Variants in CPNE5 observed in about 807,000 individuals in gnomAD.
CPNE5 encodes the protein copine 5.
CPNE5 carries 42 observed loss-of-function variants against 81.1 expected under a neutral mutation model. The ratio of observed to expected loss-of-function variants is 0.52; its 90% CI spans 0.40 to 0.67. The LOEUF is 0.67. Ranked by LOEUF, CPNE5 falls within the 30% of genes least tolerant of loss-of-function variation. The pLI is 0.00. For synonymous variants in CPNE5, 313 were observed against 321.5 expected, an observed-to-expected ratio of 0.97 and a Z score of 0.28; for missense variants, 612 against 815.5, an observed-to-expected ratio of 0.75 and a Z score of 3.04.
At position 36,746,299 on chromosome 6, in the gene CPNE5, C is replaced by T; in HGVS notation, c.1200+97G>A. On this transcript the variant is annotated intron_variant, in intron 16 of 20. Coordinates refer to ENST00000244751, the MANE Select transcript of CPNE5 (RefSeq NM_020939.2). The surrounding 1 kb of genome is among the most constrained non-coding windows in gnomAD (Gnocchi z 4.5). ...CCTCCACTGAGGCTGAGCCTTAAGT[C>T]CCCGGGCTCAGAGGAAGGGAAACGT... 1 of 1,476,232 alleles carries T rather than the reference C, an allele frequency of 6.8e-7. No individual in the cohort carries two copies. Among genetic ancestry groups the T allele is most frequent in the East Asian group, 2.4e-5 (1 of 41,606 alleles). The allele number at this position is 1,476,232 out of a possible 1,614,324, so 91.4% of individuals were successfully genotyped here. A position where few individuals can be genotyped will look rare whatever the true frequency, so the allele number is the denominator to read the frequency against.
intron 10 of CPNE5, 77 bp downstream of exon 10, chr6:36,774,884 A>G (rs1767364306): frequency 8.9e-7 from 1 of 1,126,082 alleles, no homozygotes; most frequent in Non-Finnish European, 1.3e-6. Context: ...CGTCAATATG[A>G]ATGGGGCCAC....
intron 3 of CPNE5, among the ~76,000 whole-genome samples, chr6:36,802,646 T>C (rs1561801849): frequency 6.6e-6 from 1 of 152,196 alleles, no homozygotes; most frequent in African/African-American, 2.4e-5. Context: ...GATGGGGCTC[T>C]GCAGTCCAGG....
chr6:36,766,600 G>A lies in CPNE5; in HGVS notation c.738-1224C>T, dbSNP rs1026549440. 3.3e-5 allele frequency among the ~76,000 whole-genome samples: 5 copies of A among 152,306 alleles called. No individual in the cohort carries two copies. Among genetic ancestry groups the A allele is most frequent in the African/African-American group, 9.6e-5 (4 of 41,550 alleles). On this transcript the variant is annotated intron_variant, in intron 10 of 20. Transcript: ENST00000244751. The surrounding 1 kb of genome is among the most constrained non-coding windows in gnomAD (Gnocchi z 4.2). ...AAAAAAAATCACCTAAGCCCCTGAA[G>A]GTGGGTTGATGAGCTGGAAAGAGTG...
At chr6:36,809,760 A>G (rs1770931918) in intron 3 of CPNE5, among the ~76,000 whole-genome samples, 1 of 151,934 alleles carries the variant, frequency 6.6e-6, no homozygotes, top group East Asian at 1.9e-4. Context: ...GCTCATTAGG[A>G]AATGGATGCT....
At chr6:36,819,058 C>T (rs545580890) in intron 3 of CPNE5, among the ~76,000 whole-genome samples, 1 of 152,190 alleles carries the variant, frequency 6.6e-6, no homozygotes, top group African/African-American at 2.4e-5. Context: ...GAATAGTAAA[C>T]TTTAGCCCAG....
At chr6:36,817,783 AC>A in intron 3 of CPNE5, among the ~76,000 whole-genome samples, 1 of 152,220 alleles carries the variant, frequency 6.6e-6, no homozygotes, top group South Asian at 2.1e-4. Flanking sequence ...ACGGGAAGAG[AC>A]TGAGGTTGCC....
intron 8 of CPNE5, among the ~76,000 whole-genome samples, chr6:36,783,414 C>T (rs532765564): frequency 4.8e-5 from 7 of 146,102 alleles, no homozygotes; most frequent in African/African-American, 1.5e-4. Flanking sequence ...CTACCTAGTA[C>T]GTGCTATAGT....
intron 8 of CPNE5, among the ~76,000 whole-genome samples, chr6:36,788,378 G>A (rs1768780382): frequency 6.6e-6 from 1 of 152,100 alleles, no homozygotes; most frequent in African/African-American, 2.4e-5. Context: ...GAGGGCAGTA[G>A]CCCCACAAGG....
At chr6:36,815,157 C>CAA (rs752626370) in intron 3 of CPNE5, among the ~76,000 whole-genome samples, 72 of 113,152 alleles carry the variant, frequency 6.4e-4, no homozygotes, top group African/African-American at 2.1e-3. Flanking sequence ...GACTCTGTCT[C>CAA]AAAAAAAAAA....
intron 10 of CPNE5, among the ~76,000 whole-genome samples, chr6:36,768,199 AG>A (rs1264613178): frequency 2.9e-5 from 4 of 140,156 alleles, no homozygotes; most frequent in Non-Finnish European, 6.1e-5. Flanking sequence ...AAGACAAATA[AG>A]GCTTTGACTA....
At chr6:36,815,596 A>G (rs1354136048) in intron 3 of CPNE5, among the ~76,000 whole-genome samples, 2 of 152,204 alleles carry the variant, frequency 1.3e-5, no homozygotes, top group Non-Finnish European at 2.9e-5. Flanking sequence ...GTGTAAATAA[A>G]TTTCTGTTGG....
intron 3 of CPNE5, among the ~76,000 whole-genome samples, chr6:36,809,129 G>A (rs544725456): frequency 3.3e-5 from 5 of 152,026 alleles, no homozygotes; most frequent in Admixed American, 6.5e-5. Flanking sequence ...CACAGATCAG[G>A]TCATAATGTG....
chr6:36,801,650 G>T (rs1040026719), intron 3 of CPNE5, among the ~76,000 whole-genome samples: 2 of 152,292 alleles, frequency 1.3e-5, no homozygotes, highest in East Asian at 3.9e-4. Context: ...ATCCTGTCAT[G>T]TGCTACAACA....
At chr6:36,809,948 A>G (rs1770949293) in intron 3 of CPNE5, among the ~76,000 whole-genome samples, 1 of 150,514 alleles carries the variant, frequency 6.6e-6, no homozygotes, top group Non-Finnish European at 1.5e-5. Flanking sequence ...ATCTCATTTA[A>G]CCCCCTCCAA....
chr6:36,838,914 A>C (rs1424393826), intron 1 of CPNE5: 1 of 166,178 alleles, frequency 6.0e-6, no homozygotes, highest in Non-Finnish European at 1.2e-5. Context: ...GGGGCAAATC[A>C]CTCACTTCGT....
intron 14 of CPNE5, 80 bp downstream of exon 14, chr6:36,752,954 G>T: frequency 2.5e-6 from 3 of 1,195,446 alleles, no homozygotes; most frequent in Admixed American, 1.7e-5. Flanking sequence ...GGCCAGGGTG[G>T]GGCCAGAGCC....
chr6:36,746,361 G>T lies in CPNE5; in HGVS notation c.1200+35C>A. 1 of 1,552,832 alleles carries T rather than the reference G, an allele frequency of 6.4e-7. No individual in the cohort carries two copies. Among genetic ancestry groups the T allele is most frequent in the South Asian group, 1.2e-5 (1 of 85,362 alleles). The stretch of plus-strand genomic sequence containing the variant: ...CAGCTTGTCACCTCACCCCCAGCCT[G>T]ATCAGTCCTCTCTCCCACCAGCGGG... On this transcript the variant is annotated intron_variant, in intron 16 of 20. Coordinates refer to ENST00000244751, the MANE Select transcript of CPNE5 (RefSeq NM_020939.2). This position sits in a 1 kb window ranked among gnomAD's most constrained non-coding sequence, Gnocchi z 4.5.
intron 10 of CPNE5, among the ~76,000 whole-genome samples, chr6:36,770,533 C>T (rs528392865): frequency 5.3e-4 from 80 of 152,264 alleles, no homozygotes; most frequent in African/African-American, 1.6e-3. Flanking sequence ...TTCTCATCCT[C>T]CTGTACCTCT....
intron 6 of CPNE5, among the ~76,000 whole-genome samples, chr6:36,795,681 G>A (rs113763434): frequency 3.9e-5 from 6 of 152,290 alleles, no homozygotes; most frequent in African/African-American, 1.2e-4. Context: ...GATCTCCGAC[G>A]TCTAGCCGCC....
Sources: allele counts gnomAD v4.1 joint callset (sites outside exome capture counted in the v4.1 genomes callset), GRCh38; gene constraint gnomAD v4.1.1; non-coding constraint Gnocchi (gnomAD v3.1); transcripts MANE v1.5; gene names NCBI Gene and HGNC (gene_info 2026-07-23, HGNC 2026-07-21).